Variants in SORCS3 observed in about 807,000 individuals in gnomAD.
The protein encoded by SORCS3 is sortilin related VPS10 domain containing receptor 3, also known as VPS10 domain-containing receptor SorCS3.
SORCS3 carries 57 observed loss-of-function variants against 146.3 expected under a neutral mutation model. That is an observed-to-expected ratio of 0.39 (90% CI 0.31 to 0.49). The LOEUF is 0.49. Ranked by LOEUF, SORCS3 falls within the 20% of genes least tolerant of loss-of-function variation. SORCS3 has a pLI of 0.92. For missense variants in SORCS3, 1,341 were observed against 1,575.5 expected (o/e 0.85, Z 2.52); for synonymous variants, 653 against 618.5 (o/e 1.06, Z -0.83).
At chr10:105,135,837 CA>C (rs1296289665) in intron 7 of SORCS3, among the ~76,000 whole-genome samples, 4 of 152,184 alleles carry the variant, frequency 2.6e-5, no homozygotes, top group African/African-American at 9.7e-5. Flanking sequence ...TCTAAGACTT[CA>C]ACAGCATTAC....
intron 1 of SORCS3, among the ~76,000 whole-genome samples, chr10:104,822,485 A>G (rs1364656922): frequency 6.6e-6 from 1 of 152,210 alleles, no homozygotes; most frequent in African/African-American, 2.4e-5. Flanking sequence ...CTTTGTTATT[A>G]TGTCCTAGGC....
At chr10:104,898,123 C>T in intron 2 of SORCS3, among the ~76,000 whole-genome samples, 1 of 152,160 alleles carries the variant, frequency 6.6e-6, no homozygotes, top group Non-Finnish European at 1.5e-5. Flanking sequence ...AAAGTCAGGA[C>T]AACCTGTTTT....
chr10:105,162,492 C>T (rs1174559891), intron 11 of SORCS3, among the ~76,000 whole-genome samples: 1 of 152,192 alleles, frequency 6.6e-6, no homozygotes, highest in Non-Finnish European at 1.5e-5. Context: ...TCAGAAATCA[C>T]CCACAGAGCC....
intron 20 of SORCS3, among the ~76,000 whole-genome samples, chr10:105,235,036 T>A: frequency 6.6e-6 from 1 of 152,234 alleles, no homozygotes; most frequent in Non-Finnish European, 1.5e-5. Context: ...CTGTGATTAG[T>A]TCTCAGGTAT....
chr10:105,201,310 G>T, intron 16 of SORCS3, 57 bp downstream of exon 16: 1 of 1,557,246 alleles, frequency 6.4e-7, no homozygotes. Context: ...TGTCTGTGGG[G>T]TGGGGTGGGG....
intron 1 of SORCS3, among the ~76,000 whole-genome samples, chr10:104,643,142 G>T (rs142434906): frequency 6.6e-6 from 1 of 152,216 alleles, no homozygotes; most frequent in Admixed American, 6.5e-5. Flanking sequence ...TAGGGTGCAC[G>T]CTCCAGGCGG....
chr10:105,089,679 T>G, intron 5 of SORCS3, 96 bp from the exon 6 acceptor site: 1 of 925,954 alleles, frequency 1.1e-6, no homozygotes. Context: ...TTTGAGAAAA[T>G]GGATTTCTGA....
intron 1 of SORCS3, among the ~76,000 whole-genome samples, chr10:104,657,083 G>A (rs183011940): frequency 6.6e-6 from 1 of 152,290 alleles, no homozygotes; most frequent in Non-Finnish European, 1.5e-5. Context: ...TCTAAGCTCA[G>A]TTATCAAGAA....
At chr10:104,703,527 C>T (rs2016303558) in intron 1 of SORCS3, among the ~76,000 whole-genome samples, 1 of 150,982 alleles carries the variant, frequency 6.6e-6, no homozygotes, top group East Asian at 2.0e-4. Context: ...TGCATGTTCT[C>T]ACTCATAAGT....
intron 24 of SORCS3, among the ~76,000 whole-genome samples, chr10:105,256,295 C>T (rs1295658699): frequency 6.6e-6 from 1 of 152,132 alleles, no homozygotes; most frequent in Admixed American, 6.5e-5. Context: ...AAAGGCATGT[C>T]CCATTGGGCA....
At chr10:105,185,478 T>C (rs7092104) in intron 14 of SORCS3, among the ~76,000 whole-genome samples, 51,256 of 152,036 alleles carry the variant, frequency 0.34, 8,716 homozygotes, top group South Asian at 0.42. Flanking sequence ...TCTCCGGCTG[T>C]CCCGTTTCAC....
intron 14 of SORCS3, among the ~76,000 whole-genome samples, chr10:105,185,055 A>G (rs1456210814): frequency 6.6e-6 from 1 of 152,228 alleles, no homozygotes; most frequent in Non-Finnish European, 1.5e-5. Flanking sequence ...AAGTAAAATC[A>G]TAAAGTATGT....
At chr10:104,822,261 G>C (rs2017882340) in intron 1 of SORCS3, among the ~76,000 whole-genome samples, 2 of 152,198 alleles carry the variant, frequency 1.3e-5, no homozygotes, top group African/African-American at 4.8e-5. Context: ...CAACACACAA[G>C]AAGGACTGCC....
At chr10:105,045,649 G>A (rs1274997195) in intron 5 of SORCS3, among the ~76,000 whole-genome samples, 1 of 152,156 alleles carries the variant, frequency 6.6e-6, no homozygotes. Flanking sequence ...CTTGAGAAAA[G>A]ACAAAATATG....
At chr10:104,712,164 T>G (rs779436721) in intron 1 of SORCS3, among the ~76,000 whole-genome samples, 7 of 152,100 alleles carry the variant, frequency 4.6e-5, no homozygotes, top group Non-Finnish European at 1.0e-4. Context: ...ATGCATCATC[T>G]CCTTGAATCC....
intron 5 of SORCS3, among the ~76,000 whole-genome samples, chr10:105,078,676 C>G (rs1385868972): frequency 2.6e-5 from 4 of 152,192 alleles, no homozygotes; most frequent in Non-Finnish European, 4.4e-5. Flanking sequence ...GTGTTACATA[C>G]TGCAAAGTGT....
At chr10:104,723,367 T>C (rs1179335714) in intron 1 of SORCS3, among the ~76,000 whole-genome samples, 1 of 152,202 alleles carries the variant, frequency 6.6e-6, no homozygotes, top group Non-Finnish European at 1.5e-5. Context: ...TTTCTGTTCT[T>C]TTACATTTGC....
chr10:104,938,046 A>C (rs1161246776), intron 3 of SORCS3, among the ~76,000 whole-genome samples: 1 of 152,050 alleles, frequency 6.6e-6, no homozygotes. Context: ...CTGAAGTTTA[A>C]TGTGTTTTCG....
intron 1 of SORCS3, among the ~76,000 whole-genome samples, chr10:104,825,786 C>T (rs974416069): frequency 1.3e-5 from 2 of 152,204 alleles, no homozygotes; most frequent in African/African-American, 4.8e-5. Flanking sequence ...ATGGCCATCT[C>T]ATTTTCAAAG....
Sources: allele counts gnomAD v4.1 joint callset (sites outside exome capture counted in the v4.1 genomes callset), GRCh38; gene constraint gnomAD v4.1.1; transcripts MANE v1.5; gene names NCBI Gene and HGNC (gene_info 2026-07-23, HGNC 2026-07-21).